The following DNAJC25 variants were observed in gnomAD, a reference collection of about 807,000 sequenced individuals.
DNAJC25 encodes the protein dnaJ homolog subfamily C member 25.
In DNAJC25, 26 loss-of-function variants were observed where a neutral mutation model predicts 42.1. The observed-to-expected ratio is 0.62, with a 90% CI of 0.45 to 0.86. The LOEUF (loss-of-function observed/expected upper bound fraction) is 0.86. Ranked by LOEUF, DNAJC25 falls within the 40% of genes least tolerant of loss-of-function variation. The probability of loss-of-function intolerance (pLI) is 0.00; values close to 1 mark genes in which losing one functional copy is unlikely to be tolerated. For synonymous variants in DNAJC25, 189 were observed against 179.9 expected (o/e 1.05, Z -0.40); for missense variants, 404 against 459.4 (o/e 0.88, Z 1.10).
rs1206811335 is a variant in DNAJC25 at position 111,631,625 on chromosome 9, C to T, written c.218C>T (p.Ala73Val). Reference sequence around the variant, plus strand: ...ATCGCGCGGGCCTACCGCCAGCTGGCCCGGCGCTACCACCCTGACCGCTAC... The same window carrying T: ...ATCGCGCGGGCCTACCGCCAGCTGGTCCGGCGCTACCACCCTGACCGCTAC... ...AEIARAYRQL[A>V]RRYHPDRYRP... The change falls in exon 1 of 4, where the codon GCC becomes GTC. Residue 73 changes from alanine (A) to valine (V), a missense_variant. Ala to Val is a moderately conservative substitution (Grantham distance 64). Coordinates refer to ENST00000313525, the MANE Select transcript of DNAJC25 (RefSeq NM_001015882.3). 3 of 1,499,240 alleles carry T rather than the reference C, an allele frequency of 2.0e-6. 1 individual carries two copies. The Admixed American group carries it at 6.6e-5, about 33-fold the overall frequency. 92.9% of individuals were successfully genotyped at this position (1,499,240 alleles called of 1,614,324 possible).
At chr9:111,646,678 T>C (rs1830572156) in intron 1 of DNAJC25, among the ~76,000 whole-genome samples, 1 of 152,206 alleles carries the variant, frequency 6.6e-6, no homozygotes, top group African/African-American at 2.4e-5. Flanking sequence ...ACAGACTGGC[T>C]TCACCTAGTT....
chr9:111,653,010 A>T (rs1830686981), intron 3 of DNAJC25, 90 bp from the exon 4 acceptor site: 1 of 1,346,450 alleles, frequency 7.4e-7, no homozygotes, highest in African/African-American at 1.5e-5. Context: ...TTTACCTAAC[A>T]TTATGTTAGA....
At chr9:111,642,634 TAAATAAATAAA>T (rs1830497284) in intron 1 of DNAJC25, among the ~76,000 whole-genome samples, 1 of 151,116 alleles carries the variant, frequency 6.6e-6, no homozygotes, top group South Asian at 2.1e-4. Flanking sequence ...AATAAATAAA[TAAATAAATAAA>T]AAATAAATGT....
chr9:111,646,759 TA>T (rs1037875050), intron 1 of DNAJC25, among the ~76,000 whole-genome samples: 3 of 151,458 alleles, frequency 2.0e-5, no homozygotes, highest in East Asian at 1.9e-4. Flanking sequence ...AAATAAGCAT[TA>T]AAAAAAAATC....
In DNAJC25 at chr9:111,649,477, A is replaced by G. The variant is rs371506049; in HGVS notation, c.514A>G (p.Asn172Asp). The G allele has an allele frequency of 6.3e-6, 10 of 1,596,706 alleles. No homozygotes were observed. In the African/African-American group the frequency reaches 1.2e-4, roughly 20 times the overall value. ...GTTTTTCAGCTGGTGGAATAGCTAC[A>G]ATAAGGCAATCAGCTACCTAGCCAC... ...FQFFSWWNSY[N>D]KAISYLATVP... The change falls in exon 3 of 4, where the codon AAT becomes GAT. Residue 172 changes from asparagine to aspartate, a missense_variant. Physicochemically the swap from Asn to Asp is conservative, Grantham distance 23. Transcript: ENST00000313525.
intron 1 of DNAJC25, among the ~76,000 whole-genome samples, chr9:111,640,006 G>C (rs1830425977): frequency 6.6e-6 from 1 of 150,478 alleles, no homozygotes; most frequent in Admixed American, 6.7e-5. Flanking sequence ...GGACTGTACT[G>C]CTGCCATCTC....
rs1347552069 is a variant in DNAJC25 at position 111,654,096 on chromosome 9, G to A, written c.*874G>A. 6.6e-6 allele frequency: 1 copy of A among 152,092 alleles called. No homozygotes were observed. Among genetic ancestry groups the A allele is most frequent in the African/African-American group, 2.4e-5 (1 of 41,416 alleles). The allele number at this position is 152,092 out of a possible 1,614,324, so 9.4% of individuals were successfully genotyped here. On this transcript the variant is annotated 3_prime_UTR_variant, in exon 4 of 4. Transcript: ENST00000313525. Reference sequence around the variant, plus strand: ...ATCTATTATGAAGTCCTTGAGTGGTGAAAAATCCGTTGTACATGAGAACAT... The same window carrying A: ...ATCTATTATGAAGTCCTTGAGTGGTAAAAAATCCGTTGTACATGAGAACAT...
chr9:111,650,018 T>C, intron 3 of DNAJC25, 95 bp downstream of exon 3: 1 of 1,160,126 alleles, frequency 8.6e-7, no homozygotes, highest in Non-Finnish European at 1.2e-6. Flanking sequence ...TGTGCTCACA[T>C]TTCTGAAATC....
At chr9:111,651,778 C>A (rs938890685) in intron 3 of DNAJC25, among the ~76,000 whole-genome samples, 3 of 148,756 alleles carry the variant, frequency 2.0e-5, no homozygotes, top group Non-Finnish European at 3.0e-5. Context: ...CCTAGCTACT[C>A]GGAGGTTACA....
chr9:111,653,976 A>G lies in DNAJC25; in HGVS notation c.*754A>G, dbSNP rs1830705295. 1 of 152,596 alleles carries G rather than the reference A, an allele frequency of 6.6e-6. No individual in the cohort carries two copies. Among genetic ancestry groups the G allele is most frequent in the Non-Finnish European group, 1.5e-5 (1 of 68,028 alleles). 9.5% of individuals were successfully genotyped at this position (152,596 alleles called of 1,614,324 possible). On this transcript the variant is annotated 3_prime_UTR_variant, in exon 4 of 4. Transcript: ENST00000313525. ...CATTTCTCCAGAAAGGACCTTGTAA[A>G]AAGGTCTTTTGTACCACAGTATTGG...
At position 111,631,739 on chromosome 9, in the gene DNAJC25, T is replaced by C; in HGVS notation, c.332T>C (p.Leu111Pro). ...CTGGTGGCAACCGCCTACGAGACAC[T>C]CAAGGTGAGGCCTGCGGGCGTGGAG... ...FLLVATAYET[L>P]KDEETRKDYD... Residue 111 changes from leucine to proline, a missense_variant, in exon 1 of 4, where the codon CTC becomes CCC. By Grantham distance (98) the Leu-to-Pro change is moderately conservative. Transcript: ENST00000313525. 1 of 1,516,360 alleles carries C rather than the reference T, an allele frequency of 6.6e-7. No individual in the cohort carries two copies. The highest frequency in any genetic ancestry group is 8.8e-7 in the Non-Finnish European group (1 of 1,138,128). The allele number at this position is 1,516,360 out of a possible 1,614,324, so 93.9% of individuals were successfully genotyped here. A position where few individuals can be genotyped will look rare whatever the true frequency, so the allele number is the denominator to read the frequency against.
chr9:111,644,660 C>T (rs867632153), intron 1 of DNAJC25, among the ~76,000 whole-genome samples: 9 of 152,166 alleles, frequency 5.9e-5, no homozygotes, highest in African/African-American at 1.7e-4. Context: ...TGTGGCATTT[C>T]GTTTAAAAGC....
At position 111,653,109 on chromosome 9, in the gene DNAJC25, C is replaced by G. The variant is rs1395217391; in HGVS notation, c.970C>G (p.Gln324Glu). ...TTATTTATACTTACAGGTCTACAAG[C>G]AAGAACAAGAGGAAGAATTAAAGAA... ...WIKENYEVYK[Q>E]EQEEELKKKL... Residue 324 changes from glutamine to glutamate, a missense_variant, in exon 4 of 4, where the codon CAA (glutamine) becomes GAA (glutamate). Coordinates refer to ENST00000313525, the MANE Select transcript of DNAJC25 (RefSeq NM_001015882.3). 1.2e-6 allele frequency: 2 copies of G among 1,601,120 alleles called. No homozygotes were observed. Among genetic ancestry groups the G allele is most frequent in the East Asian group, 4.5e-5 (2 of 44,264 alleles).
chr9:111,652,707 A>G (rs1023129333), intron 3 of DNAJC25, among the ~76,000 whole-genome samples: 5 of 151,364 alleles, frequency 3.3e-5, no homozygotes, highest in African/African-American at 1.2e-4. Flanking sequence ...ACGCCCAGCT[A>G]ATTTTTTCTA....
Position 111,654,294 on chromosome 9 carries a change from CT to C in DNAJC25, c.*1073del, listed in dbSNP as rs763644869. On this transcript the variant is annotated 3_prime_UTR_variant, in exon 4 of 4. Transcript: ENST00000313525. ...TATTCACGGTAGTAAATCAGTACCC[CT>C]GTTAAAGGATTTATCCCATTGCTTC... The C allele has an allele frequency of 5.3e-5, 8 of 152,146 alleles. No individual in the cohort carries two copies. The highest frequency in any genetic ancestry group is 1.9e-4 in the East Asian group (1 of 5,200). The allele number at this position is 152,146 out of a possible 1,614,324, so 9.4% of individuals were successfully genotyped here.
At chr9:111,632,844 G>A (rs1332360685) in intron 1 of DNAJC25, among the ~76,000 whole-genome samples, 1 of 152,082 alleles carries the variant, frequency 6.6e-6, no homozygotes, top group African/African-American at 2.4e-5. Context: ...CTTTATTGAT[G>A]CCTTCCAGAG....
intron 1 of DNAJC25, among the ~76,000 whole-genome samples, chr9:111,632,977 T>C (rs904364112): frequency 4.6e-5 from 7 of 152,156 alleles, no homozygotes. Context: ...TCACTAGCGT[T>C]AGTGAGATTG....
chr9:111,641,622 A>AG (rs1830468650), intron 1 of DNAJC25, among the ~76,000 whole-genome samples: 1 of 105,814 alleles, frequency 9.5e-6, no homozygotes, highest in African/African-American at 4.4e-5. Context: ...TCCGGGAGGG[A>AG]GGTGGGGGGG....
intron 1 of DNAJC25, among the ~76,000 whole-genome samples, chr9:111,638,619 A>G (rs924160268): frequency 6.6e-6 from 1 of 152,032 alleles, no homozygotes. Context: ...AACATTGTCT[A>G]CGTAGTAACT....
Sources: allele counts gnomAD v4.1 joint callset (sites outside exome capture counted in the v4.1 genomes callset), GRCh38; gene constraint gnomAD v4.1.1; transcripts MANE v1.5; gene names NCBI Gene and HGNC (gene_info 2026-07-23, HGNC 2026-07-21).